The following EFCAB13 variants were observed in gnomAD, a reference collection of about 807,000 sequenced individuals.
EFCAB13 encodes the protein EF-hand calcium binding domain 13.
A neutral mutation model predicts 110.2 loss-of-function variants in EFCAB13; 91 were observed. That is an observed-to-expected ratio of 0.83 (90% CI 0.70 to 0.98). The LOEUF is 0.98. Ranked by LOEUF, EFCAB13 falls within the 50% of genes least tolerant of loss-of-function variation. The pLI is 0.00. For synonymous variants in EFCAB13, 323 were observed against 369.9 expected (o/e 0.87, Z 1.45); for missense variants, 968 against 1,119.4 (o/e 0.86, Z 1.93).
At chr17:47,404,452 T>G (rs1321343846) in intron 19 of EFCAB13, 110 bp from the exon 20 acceptor site, 17 of 775,108 alleles carry the variant, frequency 2.2e-5, no homozygotes, top group Non-Finnish European at 3.3e-5. Context: ...AAGTACCTTG[T>G]AAATAAAATG....
At chr17:47,394,362 A>G (rs1178913193) in intron 16 of EFCAB13, among the ~76,000 whole-genome samples, 1 of 152,200 alleles carries the variant, frequency 6.6e-6, no homozygotes, top group Non-Finnish European at 1.5e-5. Context: ...GGCTAGAACC[A>G]TGTATAGCAT....
chr17:47,371,062 G>GTTTTTTTTTT (rs779767798), intron 11 of EFCAB13, among the ~76,000 whole-genome samples: 3 of 108,988 alleles, frequency 2.8e-5, no homozygotes, highest in Non-Finnish European at 5.5e-5. Context: ...TTTAATGGTT[G>GTTTTTTTTTT]TTTTTTTTTT....
chr17:47,385,884 C>A (rs112601163), intron 14 of EFCAB13, among the ~76,000 whole-genome samples: 1 of 152,098 alleles, frequency 6.6e-6, no homozygotes, highest in African/African-American at 2.4e-5. Context: ...CAGTCATGCC[C>A]GTCTTCTGCA....
At chr17:47,371,059 G>GTTTTTTTTTTTTTTTTTTTTT (rs1187612737) in intron 11 of EFCAB13, among the ~76,000 whole-genome samples, 3 of 121,790 alleles carry the variant, frequency 2.5e-5, no homozygotes, top group Non-Finnish European at 5.3e-5. Context: ...GTTTTTAATG[G>GTTTTTTTTTTTTTTTTTTTTT]TTGTTTTTTT....
At chr17:47,343,378 G>A (rs985300390) in intron 6 of EFCAB13, among the ~76,000 whole-genome samples, 2 of 152,018 alleles carry the variant, frequency 1.3e-5, no homozygotes, top group African/African-American at 4.8e-5. Flanking sequence ...CTAATCAGGA[G>A]GAATAGTCTT....
intron 9 of EFCAB13, among the ~76,000 whole-genome samples, chr17:47,357,243 T>C (rs141402838): frequency 2.6e-5 from 4 of 152,304 alleles, no homozygotes; most frequent in Admixed American, 6.5e-5. Context: ...AAGGGGTCTT[T>C]GGATTCTCTT....
At chr17:47,400,948 GAGTATTATAAA>G (rs2065775635) in intron 17 of EFCAB13, among the ~76,000 whole-genome samples, 2 of 152,130 alleles carry the variant, frequency 1.3e-5, no homozygotes, top group African/African-American at 4.8e-5. Flanking sequence ...AGGCCATCCT[GAGTATTATAAA>G]AGTATAAAAG....
rs78701984 is a variant in EFCAB13, at chr17:47,415,890, G to A, written c.2494+971G>A. On this transcript the variant is annotated intron_variant, in intron 23 of 24. Transcript: ENST00000331493. ...TGCTTGGCCTCTGTCCCTGAGGTTC[G>A]TCTTATTCTTTTTGAAATTAGGGAG... Among the ~76,000 whole-genome samples the A allele has an allele frequency of 6.5e-3, 992 of 151,916 alleles. 8 individuals are homozygous for A. Among genetic ancestry groups the A allele is most frequent in the African/African-American group, 0.02 (815 of 41,398 alleles).
At chr17:47,396,711 A>C (rs915246167) in intron 17 of EFCAB13, among the ~76,000 whole-genome samples, 2 of 152,188 alleles carry the variant, frequency 1.3e-5, no homozygotes, top group Non-Finnish European at 1.5e-5. Context: ...TTTTTCTGTA[A>C]TCATTTATTA....
chr17:47,348,540 A>G (rs1162598694), intron 9 of EFCAB13, among the ~76,000 whole-genome samples: 1 of 152,030 alleles, frequency 6.6e-6, no homozygotes, highest in Non-Finnish European at 1.5e-5. Flanking sequence ...CCTTAATATT[A>G]TATGACTAAG....
At chr17:47,380,038 G>A (rs949420586) in intron 14 of EFCAB13, among the ~76,000 whole-genome samples, 3 of 152,112 alleles carry the variant, frequency 2.0e-5, no homozygotes, top group African/African-American at 4.8e-5. Flanking sequence ...TTAGCAAGTC[G>A]ATTTCTTTTA....
At chr17:47,357,099 C>T (rs1225100751) in intron 9 of EFCAB13, among the ~76,000 whole-genome samples, 6 of 152,168 alleles carry the variant, frequency 3.9e-5, no homozygotes, top group South Asian at 2.1e-4. Context: ...CCTGTAGCAC[C>T]GAGTTTATTT....
chr17:47,412,534 C>T (rs1305980525), intron 21 of EFCAB13, among the ~76,000 whole-genome samples: 1 of 152,150 alleles, frequency 6.6e-6, no homozygotes, highest in Non-Finnish European at 1.5e-5. Context: ...AAGACAAAGT[C>T]TTATTATAAT....
At chr17:47,413,930 T>C (rs1904332830) in intron 22 of EFCAB13, among the ~76,000 whole-genome samples, 1 of 152,330 alleles carries the variant, frequency 6.6e-6, no homozygotes, top group Non-Finnish European at 1.5e-5. Context: ...GTATGAACAT[T>C]TAAATCAAGC....
chr17:47,398,240 G>A (rs1248013342), intron 17 of EFCAB13, among the ~76,000 whole-genome samples: 1 of 144,446 alleles, frequency 6.9e-6, no homozygotes, highest in East Asian at 2.5e-4. Context: ...AGGGAGGTGG[G>A]GGGGTCAGCC....
At chr17:47,403,766 A>G in intron 18 of EFCAB13, 112 bp from the exon 19 acceptor site, 1 of 907,792 alleles carries the variant, frequency 1.1e-6, no homozygotes, top group East Asian at 3.1e-5. Context: ...TTTCTCTCTG[A>G]GATTTCTTAT....
rs772500198 is a variant in EFCAB13 at position 47,370,528 on chromosome 17, T to A, written c.877+20T>A. The A allele has an allele frequency of 6.5e-7, 1 of 1,532,074 alleles. No individual in the cohort carries two copies. The highest frequency in any genetic ancestry group is 9.0e-7 in the Non-Finnish European group (1 of 1,113,402). The allele number at this position is 1,532,074 out of a possible 1,614,324, so 94.9% of individuals were successfully genotyped here. A position where few individuals can be genotyped will look rare whatever the true frequency, so the allele number is the denominator to read the frequency against. On this transcript the variant is annotated intron_variant, in intron 11 of 24. Transcript: ENST00000331493. ...ATGTTTGTAAGTGAGCTCTTGTTGC[T>A]ATGACAAGTTTTGTTTATAATTAAA...
At chr17:47,435,868 TCA>T (rs1172920234) in intron 24 of EFCAB13, among the ~76,000 whole-genome samples, 3 of 152,198 alleles carry the variant, frequency 2.0e-5, no homozygotes, top group Non-Finnish European at 2.9e-5. Context: ...GTTCCAGTTC[TCA>T]GAGGGAATGC....
intron 3 of EFCAB13, among the ~76,000 whole-genome samples, chr17:47,327,353 C>T (rs565606549): frequency 2.6e-5 from 4 of 151,532 alleles, no homozygotes; most frequent in East Asian, 3.9e-4. Context: ...TCAGTAGAGA[C>T]GGGGTTTCAT....
Sources: gnomAD v4.1 joint callset for allele counts (sites outside exome capture counted in the v4.1 genomes callset) on GRCh38, gnomAD v4.1.1 for gene constraint, MANE v1.5 for transcripts, NCBI Gene and HGNC (gene_info 2026-07-23, HGNC 2026-07-21) for gene names.